DGKI: variants seen among roughly 807,000 people sequenced by gnomAD.
The protein encoded by DGKI is diacylglycerol kinase iota, also known as DAG kinase iota.
Under a neutral mutation model 147.5 loss-of-function variants are expected in DGKI, and 55 were observed. The ratio of observed to expected loss-of-function variants is 0.37; its 90% CI spans 0.30 to 0.47. DGKI has a LOEUF of 0.47. DGKI is among the 20% of genes least tolerant of loss of function. The pLI, the probability that DGKI is intolerant of heterozygous loss-of-function variation, is 1.00. For synonymous variants in DGKI, 469 were observed against 477.1 expected (o/e 0.98, Z 0.22); for missense variants, 1,007 against 1,323.8 (o/e 0.76, Z 3.71).
In DGKI at chr7:137,724,036, A is replaced by C. The variant is rs568450651; in HGVS notation, c.402-34034T>G. Among the ~76,000 whole-genome samples, 5 of 151,628 alleles carry C rather than the reference A, an allele frequency of 3.3e-5. No individual in the cohort carries two copies. In the South Asian group the frequency reaches 1.0e-3, roughly 32 times the overall value. Reference sequence around the variant, plus strand: ...GATTTCCTTTTGATAAGGTATCATGACATCCTCTGAGCAGACCCCTACATT... The same window carrying C: ...GATTTCCTTTTGATAAGGTATCATGCCATCCTCTGAGCAGACCCCTACATT... On this transcript the variant is annotated intron_variant, in intron 1 of 32. Transcript: ENST00000614521.
intron 6 of DGKI, among the ~76,000 whole-genome samples, chr7:137,625,198 G>A (rs1048109365): frequency 6.6e-5 from 10 of 152,064 alleles, no homozygotes; most frequent in Admixed American, 3.3e-4. Flanking sequence ...GGTGGCTCAC[G>A]CCTGTAATCC....
intron 1 of DGKI, among the ~76,000 whole-genome samples, chr7:137,793,680 A>G (rs1056849584): frequency 2.6e-5 from 4 of 152,196 alleles, no homozygotes; most frequent in Non-Finnish European, 4.4e-5. Flanking sequence ...AAACATTAAA[A>G]TGGGCTACTA....
intron 20 of DGKI, among the ~76,000 whole-genome samples, chr7:137,542,334 AT>A (rs552272015): frequency 1.3e-5 from 2 of 152,210 alleles, no homozygotes. Flanking sequence ...AACTCTACTC[AT>A]TATTGCCCCA....
chr7:137,456,204 G>A (rs1023480136), intron 27 of DGKI, among the ~76,000 whole-genome samples: 2 of 152,040 alleles, frequency 1.3e-5, no homozygotes, highest in Admixed American at 1.3e-4. Flanking sequence ...CAGGCATTCA[G>A]GTGTGTCTTT....
In DGKI at chr7:137,472,236, A is replaced by AT. The variant is rs1266478898; in HGVS notation, c.2374-2618dup. Among the ~76,000 whole-genome samples, 21 of 110,250 alleles carry AT rather than the reference A, an allele frequency of 1.9e-4. 1 individual carries two copies. The highest frequency in any genetic ancestry group is 8.1e-4 in the African/African-American group (21 of 26,032). The allele number at this position is 110,250 out of a possible 152,430, so 72.3% of individuals were successfully genotyped here. A position where few individuals can be genotyped will look rare whatever the true frequency, so the allele number is the denominator to read the frequency against. On this transcript the variant is annotated intron_variant, in intron 23 of 32. Transcript: ENST00000614521. The stretch of plus-strand genomic sequence containing the variant: ...ATATATATGTATATATACATATAAT[A>AT]TATGTATATATACACATAATATTAT...
At position 137,552,527 on chromosome 7, in the gene DGKI, C is replaced by T; in HGVS notation, c.1989G>A (p.Gln663=). 1.2e-6 allele frequency: 2 copies of T among 1,614,194 alleles called. No homozygotes were observed. Among genetic ancestry groups the T allele is most frequent in the South Asian group, 2.2e-5 (2 of 91,082 alleles). ...AAGTTAGAAGCATGACTTCTCGACA[C>T]TGGTGTAGCCTCTCTCCATGGCCCC... ...QVGGHGERLH[Q]CREVMLLTYK... is the part of the protein sequence containing the mutation. The change falls in exon 20 of 33, where the codon CAG becomes CAA. Residue 663 remains glutamine, a synonymous_variant. Coordinates refer to ENST00000614521, the MANE Select transcript of DGKI (RefSeq NM_001321708.2).
intron 29 of DGKI, among the ~76,000 whole-genome samples, chr7:137,409,233 C>A (rs1322498665): frequency 6.6e-6 from 1 of 152,122 alleles, no homozygotes; most frequent in Non-Finnish European, 1.5e-5. Flanking sequence ...AATCATTTGT[C>A]AATTAAAAAT....
chr7:137,780,100 G>A (rs1252082167), intron 1 of DGKI, among the ~76,000 whole-genome samples: 1 of 152,174 alleles, frequency 6.6e-6, no homozygotes, highest in Non-Finnish European at 1.5e-5. Flanking sequence ...TAGTAGTCCT[G>A]TATTCTTACA....
rs184676322 is a variant in DGKI, at chr7:137,528,019, T to C, written c.2148-6053A>G. ...CAGCTCCAGCAGCTAGAACAATGCC[T>C]GGTCCATGTTGCTTACAATAAATGT... On this transcript the variant is annotated intron_variant, in intron 20 of 32. Transcript: ENST00000614521. 3.5e-3 allele frequency among the ~76,000 whole-genome samples: 536 copies of C among 152,324 alleles called. 22 individuals are homozygous for C. Among genetic ancestry groups the C allele is most frequent in the Admixed American group, 0.032 (492 of 15,294 alleles).
chr7:137,841,470 G>GT (rs1157782340), intron 1 of DGKI, among the ~76,000 whole-genome samples: 1 of 152,142 alleles, frequency 6.6e-6, no homozygotes, highest in Admixed American at 6.5e-5. Context: ...GTTATCCACT[G>GT]TAAGAAAAGC....
chr7:137,625,943 T>G (rs979991687), intron 6 of DGKI, among the ~76,000 whole-genome samples: 30 of 152,114 alleles, frequency 2.0e-4, no homozygotes, highest in Admixed American at 9.8e-4. Flanking sequence ...AGTGCTTATG[T>G]GAAAAGGCCT....
rs1252535677 is a variant in DGKI, at chr7:137,387,824, A to G, written c.*3396T>C. 1 of 152,204 alleles carries G rather than the reference A, an allele frequency of 6.6e-6. No individual in the cohort carries two copies. Among genetic ancestry groups the G allele is most frequent in the African/African-American group, 2.4e-5 (1 of 41,464 alleles). 9.4% of individuals were successfully genotyped at this position (152,204 alleles called of 1,614,324 possible). A position where few individuals can be genotyped will look rare whatever the true frequency, so the allele number is the denominator to read the frequency against. On this transcript the variant is annotated 3_prime_UTR_variant, in exon 33 of 33. Coordinates refer to ENST00000614521, the MANE Select transcript of DGKI (RefSeq NM_001321708.2). ...AATATTATTAATAAAATTGACATGT[A>G]ATAAAATAAAGATGCTGTGTCATTT... is the stretch of plus-strand genomic sequence containing the variant.
chr7:137,469,469 C>T, intron 24 of DGKI, 81 bp downstream of exon 24: 2 of 1,435,038 alleles, frequency 1.4e-6, no homozygotes, highest in Non-Finnish European at 2.0e-6. Flanking sequence ...TTTTGGAAAA[C>T]TAGAGCCCAC....
In DGKI at chr7:137,581,839, G is replaced by A. The variant is rs549616929; in HGVS notation, c.1642+11C>T. 65 of 1,608,606 alleles carry A rather than the reference G, an allele frequency of 4.0e-5. No individual in the cohort carries two copies. Among genetic ancestry groups the A allele is most frequent in the Non-Finnish European group, 5.0e-5 (59 of 1,175,500 alleles). On this transcript the variant is annotated intron_variant, in intron 15 of 32. Transcript: ENST00000614521. ...CCTCCCTGGGAGATGGAAATGGGAC[G>A]TTGTCCTCACCTCTGGATTCATGGA...
chr7:137,623,172 G>A (rs1425830287), intron 7 of DGKI, among the ~76,000 whole-genome samples: 2 of 152,220 alleles, frequency 1.3e-5, no homozygotes, highest in African/African-American at 4.8e-5. Context: ...GAGGGAAAAT[G>A]TGGTCTAGGT....
At chr7:137,439,262 A>G (rs1359900231) in intron 28 of DGKI, among the ~76,000 whole-genome samples, 1 of 152,244 alleles carries the variant, frequency 6.6e-6, no homozygotes, top group African/African-American at 2.4e-5. Context: ...AGTTTGGGCC[A>G]CGCCACAGTG....
chr7:137,596,473 T>C (rs1253804533), intron 12 of DGKI, among the ~76,000 whole-genome samples: 1 of 152,110 alleles, frequency 6.6e-6, no homozygotes, highest in Non-Finnish European at 1.5e-5. Context: ...GTTGGGAAAT[T>C]TTGCCCTACC....
chr7:137,796,391 T>G (rs1797031497), intron 1 of DGKI, among the ~76,000 whole-genome samples: 1 of 151,954 alleles, frequency 6.6e-6, no homozygotes, highest in Admixed American at 6.6e-5. Context: ...TCCCAGCTAC[T>G]CAGGAGGCTG....
At chr7:137,412,732 TGATA>T (rs775377128) in intron 28 of DGKI, among the ~76,000 whole-genome samples, 13 of 152,226 alleles carry the variant, frequency 8.5e-5, no homozygotes, top group Non-Finnish European at 1.6e-4. Flanking sequence ...TGTTTTGTGA[TGATA>T]GATAAATACC....
Sources: gnomAD v4.1 joint callset for allele counts (sites outside exome capture counted in the v4.1 genomes callset) on GRCh38, gnomAD v4.1.1 for gene constraint, MANE v1.5 for transcripts, NCBI Gene and HGNC (gene_info 2026-07-23, HGNC 2026-07-21) for gene names.